The following LONRF1 variants were observed in gnomAD, a reference collection of about 807,000 sequenced individuals.
The protein encoded by LONRF1 is LON peptidase N-terminal domain and RING finger protein 1.
In LONRF1, 37 loss-of-function variants were observed where a neutral mutation model predicts 85.8. The observed-to-expected ratio is 0.43, with a 90% CI of 0.33 to 0.57. The LOEUF (loss-of-function observed/expected upper bound fraction) is 0.57. Among genes scored for constraint, LONRF1 ranks in the 20% least tolerant of loss-of-function variants. LONRF1 has a pLI of 0.04. For missense variants in LONRF1, 1,036 were observed against 978.0 expected, an observed-to-expected ratio of 1.06 and a Z score of -0.79; for synonymous variants, 517 against 390.1, an observed-to-expected ratio of 1.33 and a Z score of -3.83.
rs1563144079 is a variant in LONRF1, at chr8:12,736,689, T to G, written c.1451+12A>C. ...TAAAATATTCATCTTCTATAAAGTTTTATATGCTTACCTCATGCAGAGAGA... is the reference window on the plus strand; with the variant it reads ...TAAAATATTCATCTTCTATAAAGTTGTATATGCTTACCTCATGCAGAGAGA... On this transcript the variant is annotated intron_variant, in intron 6 of 11. Transcript: ENST00000398246. 3 of 1,561,022 alleles carry G rather than the reference T, an allele frequency of 1.9e-6. No homozygotes were observed. In the East Asian group the frequency reaches 6.8e-5, roughly 35 times the overall value.
chr8:12,723,181 G>A lies in LONRF1; in HGVS notation c.2237C>T (p.Ser746Leu), dbSNP rs759684068. The change falls in exon 12 of 12, where the codon TCG becomes TTG. Residue 746 changes from serine (S) to leucine (L), a missense_variant. Ser to Leu is a moderately radical substitution (Grantham distance 145). Coordinates refer to ENST00000398246, the MANE Select transcript of LONRF1 (RefSeq NM_152271.5). ...TTTCAAAGACTTCATTGACAAAACC[G>A]ACAGCTGGTATCGTGGGTCTACAGG... ...VLPVDPRYQL[S>L]VLSMKSLKER... The A allele has an allele frequency of 3.7e-6, 6 of 1,614,048 alleles. No homozygotes were observed. Among genetic ancestry groups the A allele is most frequent in the Admixed American group, 1.7e-5 (1 of 60,026 alleles).
intron 1 of LONRF1, among the ~76,000 whole-genome samples, chr8:12,744,761 G>A (rs1203119350): frequency 1.3e-5 from 2 of 152,206 alleles, no homozygotes; most frequent in African/African-American, 4.8e-5. Context: ...CTCAGAAAGT[G>A]CAGTTTTCCA....
At chr8:12,733,739 G>A (rs1251472240) in intron 7 of LONRF1, among the ~76,000 whole-genome samples, 1 of 152,048 alleles carries the variant, frequency 6.6e-6, no homozygotes, top group Non-Finnish European at 1.5e-5. Flanking sequence ...GGACTATTAT[G>A]CTGCTATAAA....
At chr8:12,743,100 A>T (rs1279327000) in intron 2 of LONRF1, 64 bp downstream of exon 2, 2 of 1,003,248 alleles carry the variant, frequency 2.0e-6, no homozygotes, top group African/African-American at 3.2e-5. Flanking sequence ...CTAACTGTGA[A>T]TGAATGCATG....
chr8:12,741,573 A>C (rs4831780), intron 2 of LONRF1, among the ~76,000 whole-genome samples: 144,417 of 152,180 alleles, frequency 0.95, 68,897 homozygotes, highest in Non-Finnish European at 1. Context: ...TGTCCCCACA[A>C]TTTAAGGAAA....
At chr8:12,743,820 A>G (rs1799037483) in intron 1 of LONRF1, among the ~76,000 whole-genome samples, 1 of 151,222 alleles carries the variant, frequency 6.6e-6, no homozygotes. Flanking sequence ...AGCTTTTAAG[A>G]GATCGAATTT....
intron 1 of LONRF1, among the ~76,000 whole-genome samples, chr8:12,750,123 A>G (rs547019359): frequency 6.6e-6 from 1 of 152,332 alleles, no homozygotes; most frequent in East Asian, 1.9e-4. Flanking sequence ...AGTCACCCAA[A>G]ATTCTTGCAA....
At position 12,725,879 on chromosome 8, in the gene LONRF1, C is replaced by A. The variant is rs753526454; in HGVS notation, c.2011G>T (p.Val671Phe). Residue 671 changes from valine (V) to phenylalanine (F), a missense_variant and splice_region_variant, in exon 11 of 12, where the codon GTT becomes TTT. Transcript: ENST00000398246. ...ADIEYLEDVK[V>F]ENEDEIKNLR... Reference sequence around the variant, plus strand: ...TTCTTAATCTCATCTTCATTCTCAACCTAGAAATACAATAGTCAGTAAGAC... The same window carrying A: ...TTCTTAATCTCATCTTCATTCTCAAACTAGAAATACAATAGTCAGTAAGAC... The A allele has an allele frequency of 6.2e-7, 1 of 1,607,228 alleles. No individual in the cohort carries two copies. Among genetic ancestry groups the A allele is most frequent in the South Asian group, 1.1e-5 (1 of 90,970 alleles).
At chr8:12,723,901 C>G (rs1446253161) in intron 11 of LONRF1, among the ~76,000 whole-genome samples, 1 of 152,162 alleles carries the variant, frequency 6.6e-6, no homozygotes. Context: ...TGAAAAGGTC[C>G]TGGTAATGCT....
chr8:12,735,000 T>C lies in LONRF1; in HGVS notation c.1566+286A>G, dbSNP rs186207959. Among the ~76,000 whole-genome samples, 670 of 152,150 alleles carry C rather than the reference T, an allele frequency of 4.4e-3. 29 individuals are homozygous for C. The highest frequency in any genetic ancestry group is 0.041 in the Admixed American group (618 of 15,258). On this transcript the variant is annotated intron_variant, in intron 7 of 11. Coordinates refer to ENST00000398246, the MANE Select transcript of LONRF1 (RefSeq NM_152271.5). ...TCCCCAGTATAGTCATCACCAAAAT[T>C]GAACTTATCCCTGACCAGATAACTA...
chr8:12,742,436 A>C (rs1798973123), intron 2 of LONRF1, among the ~76,000 whole-genome samples: 1 of 152,222 alleles, frequency 6.6e-6, no homozygotes, highest in Admixed American at 6.5e-5. Flanking sequence ...CACATGGGCA[A>C]GGCAACTTCC....
chr8:12,724,852 G>A (rs1798226014), intron 11 of LONRF1, among the ~76,000 whole-genome samples: 1 of 152,266 alleles, frequency 6.6e-6, no homozygotes, highest in Non-Finnish European at 1.5e-5. Flanking sequence ...GCCTAATGTT[G>A]GTGTTTCAAG....
At chr8:12,741,813 T>C (rs1282519666) in intron 2 of LONRF1, among the ~76,000 whole-genome samples, 1 of 152,216 alleles carries the variant, frequency 6.6e-6, no homozygotes, top group Non-Finnish European at 1.5e-5. Context: ...AAATCCCTTA[T>C]TTTGTCTTTC....
At chr8:12,726,472 C>G (rs1437357505) in intron 10 of LONRF1, among the ~76,000 whole-genome samples, 1 of 152,160 alleles carries the variant, frequency 6.6e-6, no homozygotes, top group Admixed American at 6.5e-5. Context: ...CTGGCAAGGC[C>G]CAAGGCTATG....
intron 2 of LONRF1, among the ~76,000 whole-genome samples, chr8:12,741,397 A>G (rs1798929888): frequency 6.6e-6 from 1 of 152,140 alleles, no homozygotes; most frequent in Non-Finnish European, 1.5e-5. Context: ...CAAACAAAAA[A>G]AGGAAATGCA....
chr8:12,726,499 C>T (rs927393189), intron 10 of LONRF1, among the ~76,000 whole-genome samples: 35 of 152,310 alleles, frequency 2.3e-4, no homozygotes, highest in African/African-American at 8.4e-4. Flanking sequence ...TCTGGAACCC[C>T]TCAGTGTATT....
chr8:12,727,636 G>T (rs561200308), intron 10 of LONRF1, among the ~76,000 whole-genome samples: 1 of 152,050 alleles, frequency 6.6e-6, no homozygotes. Flanking sequence ...AAGTGATTTT[G>T]TCATCAAATC....
intron 4 of LONRF1, 35 bp downstream of exon 4, chr8:12,737,960 C>G: frequency 6.3e-7 from 1 of 1,578,014 alleles, no homozygotes; most frequent in Non-Finnish European, 8.6e-7. Flanking sequence ...GAAATGGATA[C>G]GCTAAACTCA....
At chr8:12,754,623 G>A in intron 1 of LONRF1, 77 bp downstream of exon 1, 1 of 1,246,960 alleles carries the variant, frequency 8.0e-7, no homozygotes, top group Non-Finnish European at 1.0e-6. Context: ...TCGGGGCGCA[G>A]ACAAGCTCCG....
Sources: allele counts gnomAD v4.1 joint callset (sites outside exome capture counted in the v4.1 genomes callset), GRCh38; gene constraint gnomAD v4.1.1; transcripts MANE v1.5; gene names NCBI Gene and HGNC (gene_info 2026-07-23, HGNC 2026-07-21).